FBH1: variants seen among roughly 807,000 people sequenced by gnomAD.
The protein encoded by FBH1 is DNA 3'-5' helicase 1.
In FBH1, 43 loss-of-function variants were observed where a neutral mutation model predicts 115.5. The ratio of observed to expected loss-of-function variants is 0.37; its 90% CI spans 0.29 to 0.48. The LOEUF is 0.48. Ranked by LOEUF, FBH1 falls within the 20% of genes least tolerant of loss-of-function variation. The pLI is 0.99. For missense variants in FBH1, 1,001 were observed against 1,337.3 expected, an observed-to-expected ratio of 0.75 and a Z score of 3.92; for synonymous variants, 524 against 507.8, an observed-to-expected ratio of 1.03 and a Z score of -0.43.
In FBH1 at chr10:5,911,094, G is replaced by T; in HGVS notation, c.1177G>T (p.Ala393Ser). ...GTACTGCATAGCCGTGCTTCTCTAC[G>T]CCATGAGGGAGAAGGGGATTAACAT... is the stretch of plus-strand genomic sequence containing the variant. ...TLYCIAVLLYAMREKGINISN... is the reference protein window; with the variant it reads ...TLYCIAVLLYSMREKGINISN... The change falls in exon 6 of 21, where the codon GCC becomes TCC. Residue 393 changes from alanine (A) to serine (S), a missense_variant. Transcript: ENST00000362091. This position sits in a 1 kb window ranked among gnomAD's most constrained non-coding sequence, Gnocchi z 5.4. The T allele has an allele frequency of 6.8e-6, 11 of 1,613,164 alleles. No individual in the cohort carries two copies. The highest frequency in any genetic ancestry group is 1.3e-5 in the African/African-American group (1 of 74,974).
chr10:5,937,378 T>A lies in FBH1; in HGVS notation c.*98T>A. ...GGCTTCTGCTCCCTGAGACTCTGGG[T>A]TCACCCACAGCACTTTCTGAGGAAG... On this transcript the variant is annotated 3_prime_UTR_variant, in exon 21 of 21. Coordinates refer to ENST00000362091, the MANE Select transcript of FBH1 (RefSeq NM_178150.3). 1 of 1,317,488 alleles carries A rather than the reference T, an allele frequency of 7.6e-7. No individual in the cohort carries two copies. Among genetic ancestry groups the A allele is most frequent in the Non-Finnish European group, 1.0e-6 (1 of 1,003,906 alleles). The allele number at this position is 1,317,488 out of a possible 1,614,324, so 81.6% of individuals were successfully genotyped here. A position where few individuals can be genotyped will look rare whatever the true frequency, so the allele number is the denominator to read the frequency against.
chr10:5,934,315 A>G (rs188137845), intron 19 of FBH1: 1 of 150,198 alleles, frequency 6.7e-6, no homozygotes, highest in African/African-American at 2.5e-5. Flanking sequence ...GAAGGAAATT[A>G]TTACATTGTT....
chr10:5,929,054 G>A (rs1365665628), intron 19 of FBH1, among the ~76,000 whole-genome samples: 1 of 152,120 alleles, frequency 6.6e-6, no homozygotes, highest in Non-Finnish European at 1.5e-5. Flanking sequence ...AACTCTCAGA[G>A]GTGTTAAGTG....
At chr10:5,890,422 G>A (rs1356631944) in intron 1 of FBH1, 76 bp downstream of exon 1, 2 of 355,850 alleles carry the variant, frequency 5.6e-6, no homozygotes, top group African/African-American at 4.3e-5. Context: ...CCGGGGTCCT[G>A]CGCGGGGGGT....
upstream of FBH1, chr10:5,890,200 G>C (rs1057433054): frequency 2.9e-6 from 1 of 343,666 alleles, no homozygotes; most frequent in African/African-American, 2.2e-5. Flanking sequence ...GCTGCGGCGG[G>C]GCGGAGCTCG....
chr10:5,918,147 C>G lies in FBH1; in HGVS notation c.1964-195C>G, dbSNP rs975259889. 2.7e-4 allele frequency among the ~76,000 whole-genome samples: 41 copies of G among 152,356 alleles called. No homozygotes were observed. Among genetic ancestry groups the G allele is most frequent in the Middle Eastern group, 3.4e-3 (1 of 294 alleles). ...CCAAGGCGAAACATAATCTGCATTC[C>G]TAGCACCAGAAACTGTTTCTTTTGT... On this transcript the variant is annotated intron_variant, in intron 12 of 20. Coordinates refer to ENST00000362091, the MANE Select transcript of FBH1 (RefSeq NM_178150.3). This position sits in a 1 kb window ranked among gnomAD's most constrained non-coding sequence, Gnocchi z 4.0.
intron 1 of FBH1, chr10:5,894,038 C>T (rs1842878025): frequency 1.0e-6 from 1 of 985,254 alleles, no homozygotes; most frequent in African/African-American, 1.7e-5. Flanking sequence ...AGTGCTGTCT[C>T]CAAGGGAGTC....
In FBH1 at chr10:5,918,353, A is replaced by G. The variant is rs762855538; in HGVS notation, c.1975A>G (p.Ile659Val). 1.2e-6 allele frequency: 2 copies of G among 1,613,020 alleles called. No homozygotes were observed. Among genetic ancestry groups the G allele is most frequent in the Non-Finnish European group, 1.7e-6 (2 of 1,179,770 alleles). ...AQDCTPAIMN[I>V]VLSQPCGKIF... ...CTCGTTGGTTACAGCTATCATGAAC[A>G]TAGTTCTGTCTCAGCCATGTGGGAA... is the stretch of plus-strand genomic sequence containing the variant. The change falls in exon 13 of 21, where the codon ATA becomes GTA. Residue 659 changes from isoleucine (I) to valine (V), a missense_variant. Coordinates refer to ENST00000362091, the MANE Select transcript of FBH1 (RefSeq NM_178150.3). The surrounding 1 kb of genome is among the most constrained non-coding windows in gnomAD (Gnocchi z 4.0).
intron 1 of FBH1, among the ~76,000 whole-genome samples, chr10:5,902,679 T>C (rs1355132098): frequency 2.6e-5 from 4 of 151,974 alleles, no homozygotes; most frequent in Non-Finnish European, 4.4e-5. Context: ...TGCCCCCTCC[T>C]CCACCTCCCA....
intron 3 of FBH1, among the ~76,000 whole-genome samples, chr10:5,907,517 A>G (rs1843780888): frequency 7.6e-6 from 1 of 131,962 alleles, no homozygotes; most frequent in Non-Finnish European, 1.5e-5. Context: ...TCTGTCACCC[A>G]GGCTGGAGTG....
At chr10:5,916,045 A>T (rs747848675) in intron 9 of FBH1, 189 bp from the exon 10 acceptor site, 1 of 600,504 alleles carries the variant, frequency 1.7e-6, no homozygotes, top group Admixed American at 3.0e-5. Flanking sequence ...GGGTTGGTAC[A>T]TGTGAGTCCT....
chr10:5,928,968 T>C (rs1320071665), intron 19 of FBH1, among the ~76,000 whole-genome samples: 1 of 152,230 alleles, frequency 6.6e-6, no homozygotes, highest in Non-Finnish European at 1.5e-5. Context: ...CGCGCCGTAC[T>C]GCCCTATGTG....
chr10:5,914,134 C>G lies in FBH1; in HGVS notation c.1305-44C>G. ...TGGACTGTCTATCCCCTGGACTTTT[C>G]ACGTCTTTCTGTTTTTCTTACTTCT... is the stretch of plus-strand genomic sequence containing the variant. On this transcript the variant is annotated intron_variant, in intron 7 of 20. Coordinates refer to ENST00000362091, the MANE Select transcript of FBH1 (RefSeq NM_178150.3). This position sits in a 1 kb window ranked among gnomAD's most constrained non-coding sequence, Gnocchi z 5.2. 6 of 1,589,358 alleles carry G rather than the reference C, an allele frequency of 3.8e-6. No individual in the cohort carries two copies. The highest frequency in any genetic ancestry group is 4.3e-6 in the Non-Finnish European group (5 of 1,157,948).
At chr10:5,916,529 A>G in intron 10 of FBH1, 73 bp downstream of exon 10, 1 of 1,187,844 alleles carries the variant, frequency 8.4e-7, no homozygotes, top group Non-Finnish European at 1.1e-6. Flanking sequence ...GGATCTGAGG[A>G]TGGGGAAACA....
rs1843077260 is a variant in FBH1 at position 5,897,453 on chromosome 10, C to T, written c.2-5567C>T. On this transcript the variant is annotated intron_variant, in intron 1 of 20. Coordinates refer to ENST00000362091, the MANE Select transcript of FBH1 (RefSeq NM_178150.3). The surrounding 1 kb of genome is among the most constrained non-coding windows in gnomAD (Gnocchi z 4.7). ...GTTCAGAGCATCACAGCACCTCTCT[C>T]TGAGACCAGAGATACAGGTTAGTTT... 6.6e-6 allele frequency among the ~76,000 whole-genome samples: 1 copy of T among 152,124 alleles called. No individual in the cohort carries two copies. The highest frequency in any genetic ancestry group is 6.5e-5 in the Admixed American group (1 of 15,280).
rs368373537 is a variant in FBH1, at chr10:5,909,332, T to G, written c.1020+38T>G. 64 of 1,589,976 alleles carry G rather than the reference T, an allele frequency of 4.0e-5. No homozygotes were observed. The highest frequency in any genetic ancestry group is 5.1e-5 in the Non-Finnish European group (60 of 1,173,410). On this transcript the variant is annotated intron_variant, in intron 5 of 20. Coordinates refer to ENST00000362091, the MANE Select transcript of FBH1 (RefSeq NM_178150.3). This position sits in a 1 kb window ranked among gnomAD's most constrained non-coding sequence, Gnocchi z 4.4. ...GCTGCGGGAGAAGGCGGCATGTTAT[T>G]TCACTGGAGGAAAGTGTACTGGTGA...
At chr10:5,927,149 A>G (rs1832704312) in intron 18 of FBH1, among the ~76,000 whole-genome samples, 1 of 152,222 alleles carries the variant, frequency 6.6e-6, no homozygotes, top group Admixed American at 6.5e-5. Context: ...ATGACTGTAA[A>G]CAGCCATCTG....
rs2131980486 is a variant in FBH1, at chr10:5,913,003, T to C, written c.1212-744T>C. On this transcript the variant is annotated intron_variant, in intron 6 of 20. Coordinates refer to ENST00000362091, the MANE Select transcript of FBH1 (RefSeq NM_178150.3). This position sits in a 1 kb window ranked among gnomAD's most constrained non-coding sequence, Gnocchi z 4.4. ...GCTTGGAGATGGGCTCTTTTCGCTC[T>C]GGGGATGGGGGGCAGTGCACTCGAT... is the stretch of plus-strand genomic sequence containing the variant. Among the ~76,000 whole-genome samples the C allele has an allele frequency of 6.6e-6, 1 of 152,270 alleles. No individual in the cohort carries two copies. Among genetic ancestry groups the C allele is most frequent in the Admixed American group, 6.5e-5 (1 of 15,296 alleles).
Position 5,921,381 on chromosome 10 carries a change from CTT to C in FBH1, c.2200+27_2200+28del. On this transcript the variant is annotated intron_variant, in intron 14 of 20. Coordinates refer to ENST00000362091, the MANE Select transcript of FBH1 (RefSeq NM_178150.3). The surrounding 1 kb of genome is among the most constrained non-coding windows in gnomAD (Gnocchi z 6.4). The stretch of plus-strand genomic sequence containing the variant: ...GAGTAAGGCTTTTAGTTACTCTTCT[CTT>C]TTGTGTTACAAAAGTTTTCCTCTTT... The C allele has an allele frequency of 6.2e-7, 1 of 1,611,184 alleles. No homozygotes were observed. The highest frequency in any genetic ancestry group is 1.3e-5 in the African/African-American group (1 of 74,640).
Sources: gnomAD v4.1 joint callset for allele counts (sites outside exome capture counted in the v4.1 genomes callset) on GRCh38, gnomAD v4.1.1 for gene constraint, Gnocchi (gnomAD v3.1) non-coding constraint, MANE v1.5 for transcripts, NCBI Gene and HGNC (gene_info 2026-07-23, HGNC 2026-07-21) for gene names.